The following LRRC63 variants were observed in gnomAD, a reference collection of about 807,000 sequenced individuals.
LRRC63 encodes the protein leucine-rich repeat-containing protein 63.
Under a neutral mutation model 49.5 loss-of-function variants are expected in LRRC63, and 40 were observed. That is an observed-to-expected ratio of 0.81 (90% CI 0.63 to 1.05). LRRC63 has a LOEUF of 1.05. LRRC63 is among the 50% of genes least tolerant of loss of function. The probability of loss-of-function intolerance (pLI) is 0.00; values close to 1 mark genes in which losing one functional copy is unlikely to be tolerated. For synonymous variants in LRRC63, 191 were observed against 221.1 expected, an observed-to-expected ratio of 0.86 and a Z score of 1.21; for missense variants, 636 against 663.1, an observed-to-expected ratio of 0.96 and a Z score of 0.45.
intron 5 of LRRC63, among the ~76,000 whole-genome samples, chr13:46,240,805 A>G (rs2047040442): frequency 6.6e-6 from 1 of 152,206 alleles, no homozygotes; most frequent in Non-Finnish European, 1.5e-5. Context: ...AAGGAGAACT[A>G]TGAAACACAA....
At position 46,234,459 on chromosome 13, in the gene LRRC63, A is replaced by G. The variant is rs1362038836; in HGVS notation, c.990+110A>G. On this transcript the variant is annotated intron_variant, in intron 5 of 9. Coordinates refer to ENST00000595396, the Ensembl canonical transcript of LRRC63. Reference sequence around the variant, plus strand: ...TGGTATTGAGGGGAATTTTCCTATTACAATAGAGATTTCTTAGGAACACAT... The same window carrying G: ...TGGTATTGAGGGGAATTTTCCTATTGCAATAGAGATTTCTTAGGAACACAT... 5 of 1,016,820 alleles carry G rather than the reference A, an allele frequency of 4.9e-6. No individual in the cohort carries two copies. The East Asian group carries it at 1.4e-4, about 28-fold the overall frequency. 63.0% of individuals were successfully genotyped at this position (1,016,820 alleles called of 1,614,324 possible). A position where few individuals can be genotyped will look rare whatever the true frequency, so the allele number is the denominator to read the frequency against.
At chr13:46,238,434 C>T (rs1205875896) in intron 5 of LRRC63, among the ~76,000 whole-genome samples, 1 of 151,820 alleles carries the variant, frequency 6.6e-6, no homozygotes, top group Non-Finnish European at 1.5e-5. Flanking sequence ...CATTGTCATA[C>T]TGCTATGAAG....
At chr13:46,239,496 T>G (rs1310417262) in intron 5 of LRRC63, among the ~76,000 whole-genome samples, 1 of 152,088 alleles carries the variant, frequency 6.6e-6, no homozygotes, top group Non-Finnish European at 1.5e-5. Context: ...CAGTAATAAA[T>G]AGCCCACCAA....
chr13:46,253,757 G>A (rs540592053), intron 7 of LRRC63, among the ~76,000 whole-genome samples: 1 of 152,228 alleles, frequency 6.6e-6, no homozygotes, highest in South Asian at 2.1e-4. Context: ...TATTTAAAGT[G>A]CACTGAGAAG....
chr13:46,232,443 A>G (rs1010734119), intron 4 of LRRC63, among the ~76,000 whole-genome samples: 5 of 152,372 alleles, frequency 3.3e-5, no homozygotes, highest in African/African-American at 1.2e-4. Context: ...AAAGATGGAT[A>G]ATAGAGTTCA....
intron 7 of LRRC63, among the ~76,000 whole-genome samples, chr13:46,259,330 G>T (rs542472970): frequency 7.1e-6 from 1 of 139,956 alleles, no homozygotes; most frequent in African/African-American, 2.5e-5. Flanking sequence ...TGGGGTGAAG[G>T]ACAGAGACAT....
intron 2 of LRRC63, among the ~76,000 whole-genome samples, chr13:46,227,262 G>C (rs190791111): frequency 6.6e-6 from 1 of 152,100 alleles, no homozygotes; most frequent in African/African-American, 2.4e-5. Context: ...TACCAATTCT[G>C]TTCTTCCAAG....
chr13:46,245,252 C>G (rs1220933650), intron 5 of LRRC63, among the ~76,000 whole-genome samples: 1 of 152,076 alleles, frequency 6.6e-6, no homozygotes, highest in Non-Finnish European at 1.5e-5. Context: ...ACCATCATAA[C>G]TAGAGATTAG....
At chr13:46,249,281 T>G (rs553941240) in intron 6 of LRRC63, among the ~76,000 whole-genome samples, 16 of 151,642 alleles carry the variant, frequency 1.1e-4, no homozygotes, top group Admixed American at 3.3e-4. Context: ...ATAGTAAATA[T>G]TAGTACAGAA....
exon 10 of LRRC63, chr13:46,277,021 A>T (rs1259598122): frequency 6.6e-6 from 1 of 152,360 alleles, no homozygotes; most frequent in Non-Finnish European, 1.5e-5. Context: ...CTAGCTCCTT[A>T]TGAAAGTTTG....
exon 3 of LRRC63, chr13:46,228,042 A>G (rs6561303): frequency 0.083 from 128,395 of 1,550,944 alleles, 6,492 homozygotes; most frequent in East Asian, 0.18. Flanking sequence ...CCCTCCACCT[A>G]TGACTGTATC....
chr13:46,231,107 G>C lies in LRRC63; in HGVS notation c.832+2374G>C, dbSNP rs569299575. Among the ~76,000 whole-genome samples the C allele has an allele frequency of 4.9e-4, 74 of 152,278 alleles. 1 individual carries two copies. Among genetic ancestry groups the C allele is most frequent in the African/African-American group, 1.7e-3 (71 of 41,560 alleles). On this transcript the variant is annotated intron_variant, in intron 4 of 9. Coordinates refer to ENST00000595396, the Ensembl canonical transcript of LRRC63. ...TAAATATCAACATTTTGGTCATGCT[G>C]TTTACCTAGTCTCTGGGAAGTTCCA...
rs548449890 is a variant in LRRC63, at chr13:46,251,870, A to T, written c.1226+1379A>T. On this transcript the variant is annotated intron_variant, in intron 7 of 9. Transcript: ENST00000595396. Reference sequence around the variant, plus strand: ...AAATAAAAATTCCTAAAGCAAGTGAAATGTGATTATAACTAAAAGGTCAAC... The same window carrying T: ...AAATAAAAATTCCTAAAGCAAGTGATATGTGATTATAACTAAAAGGTCAAC... Among the ~76,000 whole-genome samples, 11 of 152,076 alleles carry T rather than the reference A, an allele frequency of 7.2e-5. No individual in the cohort carries two copies. In the South Asian group the frequency reaches 1.9e-3, roughly 26 times the overall value.
chr13:46,272,102 C>T (rs927905039), intron 9 of LRRC63, among the ~76,000 whole-genome samples: 1 of 152,124 alleles, frequency 6.6e-6, no homozygotes, highest in Non-Finnish European at 1.5e-5. Context: ...ACTCAGAGGG[C>T]AACAATGGGT....
chr13:46,230,486 C>T (rs542176772), intron 4 of LRRC63, among the ~76,000 whole-genome samples: 4 of 152,206 alleles, frequency 2.6e-5, no homozygotes, highest in South Asian at 4.2e-4. Context: ...GTAGGGAAGC[C>T]GACTGTGTAG....
chr13:46,275,191 C>T (rs112639674), intron 9 of LRRC63, among the ~76,000 whole-genome samples: 5,980 of 152,204 alleles, frequency 0.039, 384 homozygotes, highest in African/African-American at 0.14. Flanking sequence ...ATTGTGTGTA[C>T]ATACCATATT....
intron 5 of LRRC63, 24 bp downstream of exon 5, chr13:46,234,373 A>G: frequency 6.5e-7 from 1 of 1,545,344 alleles, no homozygotes; most frequent in Non-Finnish European, 8.7e-7. Flanking sequence ...TTTTAATGAC[A>G]GTGCCCTCCT....
chr13:46,223,863 A>G (rs1566472624), intron 2 of LRRC63, among the ~76,000 whole-genome samples: 1 of 152,168 alleles, frequency 6.6e-6, no homozygotes. Flanking sequence ...CTCAAAAACA[A>G]AAACAAAACA....
intron 8 of LRRC63, 31 bp downstream of exon 8, chr13:46,262,023 C>A (rs2047622470): frequency 1.5e-6 from 1 of 647,170 alleles, no homozygotes; most frequent in Non-Finnish European, 2.3e-6. Context: ...AAGTTATATG[C>A]CCCTTAATTA....
Sources: gnomAD v4.1 joint callset for allele counts (sites outside exome capture counted in the v4.1 genomes callset) on GRCh38, gnomAD v4.1.1 for gene constraint, MANE v1.5 for transcripts, NCBI Gene and HGNC (gene_info 2026-07-23, HGNC 2026-07-21) for gene names.